Variants in MMP12 observed in about 807,000 individuals in gnomAD.
The protein encoded by MMP12 is macrophage metalloelastase.
A neutral mutation model predicts 45.2 loss-of-function variants in MMP12; 51 were observed. The observed-to-expected ratio is 1.13, with a 90% CI of 0.90 to 1.42. MMP12 has a LOEUF of 1.42. Among genes scored for constraint, MMP12 ranks in the 40% most tolerant of loss-of-function variants. MMP12 has a pLI of 0.00. For synonymous variants in MMP12, 210 were observed against 193.3 expected (o/e 1.09, Z -0.72); for missense variants, 530 against 570.8 (o/e 0.93, Z 0.73).
chr11:102,862,945 ATAT>A lies in MMP12; in HGVS notation c.*152_*154del, dbSNP rs1859318497. 4.3e-6 allele frequency: 2 copies of A among 460,040 alleles called. No individual in the cohort carries two copies. Among genetic ancestry groups the A allele is most frequent in the South Asian group, 4.6e-5 (1 of 21,834 alleles). The allele number at this position is 460,040 out of a possible 1,614,324, so 28.5% of individuals were successfully genotyped here. On this transcript the variant is annotated 3_prime_UTR_variant, in exon 10 of 10. Coordinates refer to ENST00000571244, the MANE Select transcript of MMP12 (RefSeq NM_002426.6). ...CAATTAGAGTTTTCAAAATTGAAAA[ATAT>A]TATGTATTTTATATAATCATTACCT...
At position 102,865,450 on chromosome 11, in the gene MMP12, G is replaced by A. The variant is rs563061051; in HGVS notation, c.1205+326C>T. On this transcript the variant is annotated intron_variant, in intron 8 of 9. Transcript: ENST00000571244. This position sits in a 1 kb window ranked among gnomAD's most constrained non-coding sequence, Gnocchi z 4.1. ...AGGAATCTGGAAATCCATAACCCTCGAAACTGACTGTAGATTAAATACTTG... is the reference window on the plus strand; with the variant it reads ...AGGAATCTGGAAATCCATAACCCTCAAAACTGACTGTAGATTAAATACTTG... 1.6e-4 allele frequency among the ~76,000 whole-genome samples: 25 copies of A among 152,192 alleles called. No homozygotes were observed. The highest frequency in any genetic ancestry group is 4.1e-4 in the African/African-American group (17 of 41,522).
rs575180591 is a variant in MMP12, at chr11:102,865,066, G to A, written c.1205+710C>T. On this transcript the variant is annotated intron_variant, in intron 8 of 9. Transcript: ENST00000571244. This position sits in a 1 kb window ranked among gnomAD's most constrained non-coding sequence, Gnocchi z 4.1. ...GTTTTGTTTCTCAAACAGAGCTAAG[G>A]GCTGGTGGACAAATTCAAGTCATAA... Among the ~76,000 whole-genome samples, 5 of 152,300 alleles carry A rather than the reference G, an allele frequency of 3.3e-5. No homozygotes were observed. Among genetic ancestry groups the A allele is most frequent in the South Asian group, 2.1e-4 (1 of 4,822 alleles).
At chr11:102,866,561 C>T in intron 6 of MMP12, 113 bp from the exon 7 acceptor site, 1 of 1,053,090 alleles carries the variant, frequency 9.5e-7, no homozygotes, top group African/African-American at 1.6e-5. Flanking sequence ...ATTGTCTTCA[C>T]ATTCTGTTCC....
Position 102,873,117 on chromosome 11 carries a change from A to G in MMP12, c.103-5T>C, listed in dbSNP as rs199627800. On this transcript the variant is annotated splice_region_variant and splice_polypyrimidine_tract_variant and intron_variant, in intron 1 of 9. Transcript: ENST00000571244. Reference sequence around the variant, plus strand: ...ATAAAATTTTTCTAAGTATCTCTGGAAAAAAAAATACATTCAGCAATGTGT... The same window carrying G: ...ATAAAATTTTTCTAAGTATCTCTGGGAAAAAAAATACATTCAGCAATGTGT... 1.0e-4 allele frequency: 160 copies of G among 1,585,566 alleles called. No homozygotes were observed. The highest frequency in any genetic ancestry group is 1.3e-4 in the Non-Finnish European group (149 of 1,161,456).
chr11:102,873,624 CA>C (rs1309458969), intron 1 of MMP12, among the ~76,000 whole-genome samples: 2 of 151,696 alleles, frequency 1.3e-5, no homozygotes, highest in African/African-American at 4.8e-5. Context: ...CAAAAACAAA[CA>C]AAAAAACAAA....
intron 9 of MMP12, among the ~76,000 whole-genome samples, chr11:102,863,560 A>G (rs539064681): frequency 1.1e-4 from 17 of 152,266 alleles, no homozygotes. Context: ...ATGAAACAGG[A>G]TATTGGACCC....
rs149455173 is a variant in MMP12, at chr11:102,868,586, A to G, written c.626-517T>C. 6.6e-5 allele frequency among the ~76,000 whole-genome samples: 10 copies of G among 152,318 alleles called. No individual in the cohort carries two copies. In the East Asian group the frequency reaches 1.7e-3, roughly 26 times the overall value. ...ATCGTCTTTTCGTAAGCCCAAATAT[A>G]AGGCTATCATTAAGTTTCAGGTACT... On this transcript the variant is annotated intron_variant, in intron 4 of 9. Transcript: ENST00000571244.
intron 7 of MMP12, among the ~76,000 whole-genome samples, 154 bp from the exon 8 acceptor site, chr11:102,866,089 G>GT (rs1430139060): frequency 4.6e-5 from 7 of 151,552 alleles, no homozygotes; most frequent in South Asian, 4.2e-4. Flanking sequence ...GGTTCCCATG[G>GT]TTTTTTTTCA....
intron 5 of MMP12, 62 bp from the exon 6 acceptor site, chr11:102,867,455 C>G (rs1394790970): frequency 1.4e-6 from 2 of 1,463,568 alleles, no homozygotes; most frequent in South Asian, 2.8e-5. Flanking sequence ...AGAGGAGGAA[C>G]AGTTATGTTT....
intron 4 of MMP12, 76 bp from the exon 5 acceptor site, chr11:102,868,145 G>T: frequency 1.6e-6 from 2 of 1,230,938 alleles, no homozygotes; most frequent in Non-Finnish European, 2.3e-6. Context: ...CTGACACAGT[G>T]AAAAAGAAAG....
In MMP12 at chr11:102,864,170, C is replaced by T. The variant is rs201057575; in HGVS notation, c.1288G>A (p.Asp430Asn). Residue 430 changes from aspartate to asparagine, a missense_variant, in exon 9 of 10, where the codon GAT becomes AAT. Transcript: ENST00000571244. The stretch of plus-strand genomic sequence containing the variant: ...CTGTTTTTAGAGTAGAAGACTGCAT[C>T]AATTTTAGGCCCGATTCCTTGGAAG... Reference protein sequence around the residue: ...KNFQGIGPKIDAVFYSKNKYY... With the variant: ...KNFQGIGPKINAVFYSKNKYY... 19 of 1,613,086 alleles carry T rather than the reference C, an allele frequency of 1.2e-5. No homozygotes were observed. Among genetic ancestry groups the T allele is most frequent in the Non-Finnish European group, 1.6e-5 (19 of 1,179,152 alleles).
Position 102,871,826 on chromosome 11 carries a change from A to C in MMP12, c.477T>G (p.Ile159Met). The change falls in exon 3 of 10, where the codon ATT (isoleucine) becomes ATG (methionine). Residue 159 changes from isoleucine (I) to methionine (M), a missense_variant. Transcript: ENST00000571244. ...FSKINTGMAD[I>M]LVVFARGAHG... ...TACCTCCACGGGCAAAAACCACCAA[A>C]ATGTCAGCCATGCCTGTGTTAATCT... 6.2e-7 allele frequency: 1 copy of C among 1,613,318 alleles called. No homozygotes were observed. Among genetic ancestry groups the C allele is most frequent in the Non-Finnish European group, 8.5e-7 (1 of 1,179,682 alleles).
intron 4 of MMP12, among the ~76,000 whole-genome samples, chr11:102,868,978 G>T (rs543798065): frequency 6.6e-6 from 1 of 151,862 alleles, no homozygotes; most frequent in Non-Finnish European, 1.5e-5. Context: ...TTTATATCTG[G>T]CTTTTCTTTT....
At chr11:102,866,945 G>C (rs1366320888) in intron 6 of MMP12, among the ~76,000 whole-genome samples, 1 of 152,134 alleles carries the variant, frequency 6.6e-6, no homozygotes, top group Non-Finnish European at 1.5e-5. Flanking sequence ...CATAGGTACT[G>C]TTTTACAGTC....
At chr11:102,863,365 CT>C (rs1555008090) in intron 9 of MMP12, among the ~76,000 whole-genome samples, 165 bp from the exon 10 acceptor site, 1 of 152,122 alleles carries the variant, frequency 6.6e-6, no homozygotes, top group East Asian at 1.9e-4. Flanking sequence ...GGGAAGACTG[CT>C]TGAGGCCAGG....
chr11:102,866,231 T>G, intron 7 of MMP12, 84 bp downstream of exon 7: 2 of 1,327,156 alleles, frequency 1.5e-6, no homozygotes, highest in Admixed American at 2.7e-5. Flanking sequence ...TCTTGGTCTA[T>G]ATCTATTAAA....
intron 6 of MMP12, 137 bp downstream of exon 6, chr11:102,867,133 A>T: frequency 1.4e-6 from 1 of 698,776 alleles, no homozygotes. Flanking sequence ...AGATCTCCTC[A>T]CTGCCTACAG....
intron 4 of MMP12, among the ~76,000 whole-genome samples, chr11:102,869,224 C>G (rs1234682193): frequency 6.6e-6 from 1 of 152,124 alleles, no homozygotes; most frequent in Non-Finnish European, 1.5e-5. Context: ...CGTCACTTAG[C>G]TGCAGAGCCT....
chr11:102,864,246 A>T lies in MMP12; in HGVS notation c.1212T>A (p.Asp404Glu). The change falls in exon 9 of 10, where the codon GAT (aspartate) becomes GAA (glutamate). Residue 404 changes from aspartate to glutamate, a missense_variant. Physicochemically the swap from Asp to Glu is conservative, Grantham distance 45. Coordinates refer to ENST00000571244, the MANE Select transcript of MMP12 (RefSeq NM_002426.6). ...CAGGGTCCATCATCTGTCTCCTTTCATCATACCTGAGCAAAGAAGTAACCA... is the reference window on the plus strand; with the variant it reads ...CAGGGTCCATCATCTGTCTCCTTTCTTCATACCTGAGCAAAGAAGTAACCA... ...FFVDNQYWRY[D>E]ERRQMMDPGY... 6.2e-7 allele frequency: 1 copy of T among 1,611,116 alleles called. No individual in the cohort carries two copies. Among genetic ancestry groups the T allele is most frequent in the Admixed American group, 1.7e-5 (1 of 59,968 alleles).
Sources: allele counts gnomAD v4.1 joint callset (sites outside exome capture counted in the v4.1 genomes callset), GRCh38; gene constraint gnomAD v4.1.1; non-coding constraint Gnocchi (gnomAD v3.1); transcripts MANE v1.5; gene names NCBI Gene and HGNC (gene_info 2026-07-23, HGNC 2026-07-21).